Variants in LRP2 observed in about 807,000 individuals in gnomAD.
LRP2 encodes low-density lipoprotein receptor-related protein 2.
In LRP2, 172 loss-of-function variants were observed where a neutral mutation model predicts 531.0. The observed-to-expected ratio is 0.32, with a 90% CI of 0.29 to 0.37. LRP2 has a LOEUF of 0.37. Ranked by LOEUF, LRP2 falls within the 10% of genes least tolerant of loss-of-function variation. The pLI, the probability that LRP2 is intolerant of heterozygous loss-of-function variation, is 1.00. For synonymous variants in LRP2, 1,992 were observed against 2,027.6 expected (o/e 0.98, Z 0.47); for missense variants, 5,167 against 5,868.3 (o/e 0.88, Z 3.90).
At chr2:169,306,442 G>A (rs1158567954) in intron 4 of LRP2, among the ~76,000 whole-genome samples, 1 of 152,226 alleles carries the variant, frequency 6.6e-6, no homozygotes, top group Non-Finnish European at 1.5e-5. Flanking sequence ...GCTGAGGCAG[G>A]AGAATCGCTT....
Position 169,207,110 on chromosome 2 carries a change from G to A in LRP2, c.6610C>T (p.Leu2204Phe). 6.2e-7 allele frequency: 1 copy of A among 1,612,164 alleles called. No individual in the cohort carries two copies. ...CTCTGCCCATAGTCAGCCCAGAAGA[G>A]GTATCTGTTCTTGGGATCTACAACA... ...HIVVDPKNRY[L>F]FWADYGQRPK... The change falls in exon 39 of 79, where the codon CTC becomes TTC. Residue 2204 changes from leucine (L) to phenylalanine (F), a missense_variant. Leu to Phe is a conservative substitution (Grantham distance 22). Coordinates refer to ENST00000649046, the MANE Select transcript of LRP2 (RefSeq NM_004525.3).
chr2:169,277,468 A>G (rs191834362), intron 13 of LRP2, among the ~76,000 whole-genome samples: 58 of 152,286 alleles, frequency 3.8e-4, no homozygotes, highest in East Asian at 1.5e-3. Flanking sequence ...AATGTGCATC[A>G]TGTGGGACTA....
At chr2:169,182,772 A>C (rs1483331574) in intron 50 of LRP2, 1 of 290,292 alleles carries the variant, frequency 3.4e-6, no homozygotes, top group African/African-American at 2.3e-5. Flanking sequence ...TAAGATAAAG[A>C]TTATGACATC....
chr2:169,271,227 A>G, intron 15 of LRP2, 120 bp from the exon 16 acceptor site: 2 of 675,992 alleles, frequency 3.0e-6, no homozygotes, highest in East Asian at 5.6e-5. Flanking sequence ...TCTGAAATAA[A>G]TGTAAAAATA....
At chr2:169,312,164 A>G (rs1684617071) in intron 3 of LRP2, among the ~76,000 whole-genome samples, 1 of 151,984 alleles carries the variant, frequency 6.6e-6, no homozygotes, top group Non-Finnish European at 1.5e-5. Context: ...CCAATTTGCC[A>G]GTCTGTGTCT....
intron 42 of LRP2, among the ~76,000 whole-genome samples, chr2:169,203,709 A>G (rs1034852915): frequency 6.6e-6 from 1 of 152,212 alleles, no homozygotes; most frequent in African/African-American, 2.4e-5. Flanking sequence ...GTGAGCTGAG[A>G]TCCCGCCACT....
chr2:169,225,112 T>A (rs1443531958), intron 33 of LRP2, among the ~76,000 whole-genome samples, 198 bp downstream of exon 33: 2 of 151,768 alleles, frequency 1.3e-5, no homozygotes, highest in African/African-American at 2.4e-5. Flanking sequence ...AATAAATAAA[T>A]AAAAATAAAT....
intron 49 of LRP2, among the ~76,000 whole-genome samples, chr2:169,187,057 T>C (rs1276310826): frequency 2.6e-5 from 4 of 152,118 alleles, no homozygotes; most frequent in Admixed American, 2.0e-4. Flanking sequence ...TTTGGATGAT[T>C]TTTAAATTTT....
intron 52 of LRP2, among the ~76,000 whole-genome samples, chr2:169,179,775 C>A (rs1375305263): frequency 7.0e-6 from 1 of 142,254 alleles, no homozygotes; most frequent in Non-Finnish European, 1.6e-5. Flanking sequence ...TGTGTTGGTG[C>A]ATCCCAAGAT....
At position 169,182,246 on chromosome 2, in the gene LRP2, G is replaced by A; in HGVS notation, c.9919C>T (p.Leu3307=). Reference sequence around the variant, plus strand: ...TTGGCATCCACACAGTGCTGGGCCAGCATGCGGCGGTGTCCACCATTGAGG... The same window carrying A: ...TTGGCATCCACACAGTGCTGGGCCAACATGCGGCGGTGTCCACCATTGAGG... ...SDLNGGHRRM[L]AQHCVDANNT... Residue 3307 remains leucine, a synonymous_variant, in exon 51 of 79, where the codon CTG becomes TTG. Transcript: ENST00000649046. The A allele has an allele frequency of 6.2e-7, 1 of 1,614,170 alleles. No homozygotes were observed. The highest frequency in any genetic ancestry group is 8.5e-7 in the Non-Finnish European group (1 of 1,180,008).
intron 1 of LRP2, among the ~76,000 whole-genome samples, chr2:169,334,242 AAAG>A (rs916768864): frequency 6.6e-6 from 1 of 152,168 alleles, no homozygotes; most frequent in African/African-American, 2.4e-5. Context: ...TTAATGCTAA[AAAG>A]AAGTACGGCT....
intron 16 of LRP2, among the ~76,000 whole-genome samples, chr2:169,263,553 T>C (rs370426304): frequency 0.24 from 34,862 of 145,304 alleles, 4,233 homozygotes; most frequent in Middle Eastern, 0.29. Context: ...GAGATACCAT[T>C]TCACACCAGT....
rs1234327022 is a variant in LRP2, at chr2:169,140,505, G to A, written c.13149C>T (p.Cys4383=). 2.5e-6 allele frequency: 4 copies of A among 1,613,962 alleles called. No individual in the cohort carries two copies. The highest frequency in any genetic ancestry group is 1.1e-5 in the South Asian group (1 of 91,090). ...CAAAATAGCAATTTCCTCCGTGCAT[G>A]CACCTGCATGGGGGGGGCAGGTTGA... ...LPINLPPPCR[C]MHGGNCYFDE... Residue 4383 remains cysteine, a synonymous_variant, in exon 72 of 79, where the codon TGC becomes TGT. Coordinates refer to ENST00000649046, the MANE Select transcript of LRP2 (RefSeq NM_004525.3).
intron 60 of LRP2, among the ~76,000 whole-genome samples, 165 bp downstream of exon 60, chr2:169,169,537 A>G (rs1400137024): frequency 2.0e-5 from 3 of 152,390 alleles, no homozygotes; most frequent in South Asian, 2.1e-4. Flanking sequence ...TGTGAAATGT[A>G]TGATTATGAT....
At chr2:169,134,465 A>T (rs969769517) in intron 76 of LRP2, among the ~76,000 whole-genome samples, 1 of 151,662 alleles carries the variant, frequency 6.6e-6, no homozygotes, top group East Asian at 1.9e-4. Flanking sequence ...TCCACCTGAC[A>T]TTCACCCCAT....
At position 169,277,698 on chromosome 2, in the gene LRP2, T is replaced by C. The variant is rs376916869; in HGVS notation, c.1772+47A>G. On this transcript the variant is annotated intron_variant, in intron 13 of 78. Transcript: ENST00000649046. ...ATTTCTCTGCAGCCATTTTATGCAC[T>C]TTCCCTGCAACTTATAAAGCCATAA... 10 of 1,546,122 alleles carry C rather than the reference T, an allele frequency of 6.5e-6. No homozygotes were observed. In the African/African-American group the frequency reaches 1.4e-4, roughly 21 times the overall value.
At chr2:169,266,407 T>C (rs1247526162) in intron 16 of LRP2, among the ~76,000 whole-genome samples, 3 of 152,158 alleles carry the variant, frequency 2.0e-5, no homozygotes, top group South Asian at 2.1e-4. Flanking sequence ...TGGTTTTATA[T>C]TGATAACAGA....
At chr2:169,321,598 T>A (rs893350153) in intron 1 of LRP2, among the ~76,000 whole-genome samples, 2 of 152,204 alleles carry the variant, frequency 1.3e-5, no homozygotes, top group African/African-American at 4.8e-5. Flanking sequence ...GATTTTTTAT[T>A]ACTAAATCAT....
In LRP2 at chr2:169,127,293, T is replaced by C. The variant is rs761993296; in HGVS notation, c.*1370A>G. On this transcript the variant is annotated 3_prime_UTR_variant, in exon 79 of 79. Transcript: ENST00000649046. ...ATCCATCCATCCATCCATTCATTCA[T>C]TGTTTAACAAATGTGCAATATTAGC... 1.3e-5 allele frequency: 2 copies of C among 152,462 alleles called. No homozygotes were observed. The highest frequency in any genetic ancestry group is 6.5e-5 in the Admixed American group (1 of 15,284). The allele number at this position is 152,462 out of a possible 1,614,324, so 9.4% of individuals were successfully genotyped here.
Sources: gnomAD v4.1 joint callset for allele counts (sites outside exome capture counted in the v4.1 genomes callset) on GRCh38, gnomAD v4.1.1 for gene constraint, MANE v1.5 for transcripts, NCBI Gene and HGNC (gene_info 2026-07-23, HGNC 2026-07-21) for gene names.